Variants in POLE observed in about 807,000 individuals in gnomAD.
POLE encodes the protein DNA polymerase epsilon catalytic subunit A.
POLE carries 188 observed loss-of-function variants against 279.2 expected under a neutral mutation model. That is an observed-to-expected ratio of 0.67 (90% CI 0.60 to 0.76). The LOEUF (loss-of-function observed/expected upper bound fraction) is 0.76, where lower values mean the gene tolerates loss of function less well. Ranked by LOEUF, POLE falls within the 30% of genes least tolerant of loss-of-function variation. The pLI is 0.00. For missense variants in POLE, 2,703 were observed against 3,016.7 expected (o/e 0.90, Z 2.44); for synonymous variants, 1,214 against 1,172.5 (o/e 1.04, Z -0.72).
intron 25 of POLE, 160 bp from the exon 26 acceptor site, chr12:132,659,669 A>T (rs1315858087): frequency 1.6e-6 from 1 of 607,730 alleles, no homozygotes; most frequent in Admixed American, 2.9e-5. Flanking sequence ...ATACTTTAAA[A>T]CATACACACA....
chr12:132,681,140 G>C lies in POLE; in HGVS notation c.202C>G (p.Pro68Ala), dbSNP rs1408600144. Residue 68 changes from proline (P) to alanine (A), a missense_variant and splice_region_variant, in exon 2 of 49, where the codon CCT becomes GCT. Coordinates refer to ENST00000320574, the MANE Select transcript of POLE (RefSeq NM_006231.4). ...TGGGAGAAGGACCTAGTGCTTACAG[G>C]ATGCATGTTAATGAGCCAGCCTGTC... ...EKTGWLINMH[P>A]TEILDEDKRL... The C allele has an allele frequency of 1.5e-5, 24 of 1,613,858 alleles. No individual in the cohort carries two copies. Among genetic ancestry groups the C allele is most frequent in the Non-Finnish European group, 1.9e-5 (23 of 1,179,988 alleles).
In POLE at chr12:132,679,010, T is replaced by A. The variant is rs369941894; in HGVS notation, c.578+487A>T. On this transcript the variant is annotated intron_variant, in intron 6 of 48. Transcript: ENST00000320574. ...GGTAAGGTAGGTTCTTCCGAAGTCA[T>A]CTAAACTTCATTACTCAAGATTTTC... 1.8e-4 allele frequency among the ~76,000 whole-genome samples: 28 copies of A among 152,368 alleles called. No homozygotes were observed. The East Asian group carries it at 2.1e-3, about 12-fold the overall frequency.
At chr12:132,647,280 TG>T (rs1278522211) in intron 32 of POLE, among the ~76,000 whole-genome samples, 1 of 151,946 alleles carries the variant, frequency 6.6e-6, no homozygotes, top group Non-Finnish European at 1.5e-5. Context: ...GCCTGGGTGA[TG>T]GAGTGAGAGA....
In POLE at chr12:132,624,426, A is replaced by C; in HGVS notation, c.*271T>G. 1.9e-6 allele frequency: 1 copy of C among 539,566 alleles called. No individual in the cohort carries two copies. The highest frequency in any genetic ancestry group is 3.3e-6 in the Non-Finnish European group (1 of 299,410). The allele number at this position is 539,566 out of a possible 1,614,324, so 33.4% of individuals were successfully genotyped here. ...CCTGGAAAAGCATTCACTGCGTGAG[A>C]AACGGCGCCCAGGGCACTCGCAGCC... On this transcript the variant is annotated 3_prime_UTR_variant, in exon 49 of 49. Coordinates refer to ENST00000320574, the MANE Select transcript of POLE (RefSeq NM_006231.4).
intron 13 of POLE, 51 bp from the exon 14 acceptor site, chr12:132,673,328 G>A (rs771970198): frequency 7.5e-7 from 1 of 1,339,442 alleles, no homozygotes. Context: ...AGAGCCCAGG[G>A]TCAAGTGTGA....
At chr12:132,640,868 C>T (rs907849994) in intron 39 of POLE, 11 of 409,246 alleles carry the variant, frequency 2.7e-5, no homozygotes, top group Non-Finnish European at 5.4e-5. Flanking sequence ...GCTCCCGGCT[C>T]CCAACTGCCT....
intron 13 of POLE, 113 bp downstream of exon 13, chr12:132,673,462 G>C: frequency 1.4e-6 from 2 of 1,481,274 alleles, no homozygotes; most frequent in Non-Finnish European, 1.8e-6. Flanking sequence ...GCATACATGC[G>C]TGCACACGGC....
At chr12:132,667,441 C>T (rs1346555346) in intron 20 of POLE, 62 bp downstream of exon 20, 7 of 1,578,810 alleles carry the variant, frequency 4.4e-6, no homozygotes, top group African/African-American at 1.3e-5. Context: ...AGAGTGCCCA[C>T]TTCATGAGCC....
Position 132,634,267 on chromosome 12 carries a change from A to C in POLE, c.5923T>G (p.Leu1975Val), listed in dbSNP as rs1428750896. 1 of 1,614,008 alleles carries C rather than the reference A, an allele frequency of 6.2e-7. No homozygotes were observed. Residue 1975 changes from leucine (L) to valine (V), a missense_variant, in exon 43 of 49, where the codon TTA becomes GTA. Coordinates refer to ENST00000320574, the MANE Select transcript of POLE (RefSeq NM_006231.4). The surrounding 1 kb of genome is among the most constrained non-coding windows in gnomAD (Gnocchi z 4.0). ...EEAEESNVED[L>V]LENNWNILQF... ...AAAATGTTCCAGTTGTTTTCCAGTAAATCCTCCACGTTGGATTCCTCCGCC... is the reference window on the plus strand; with the variant it reads ...AAAATGTTCCAGTTGTTTTCCAGTACATCCTCCACGTTGGATTCCTCCGCC...
In POLE at chr12:132,632,408, G is replaced by A. The variant is rs1349472933; in HGVS notation, c.6237C>T (p.Asn2079=). The change falls in exon 45 of 49, where the codon AAC becomes AAT. Residue 2079 remains asparagine (N), a synonymous_variant. Transcript: ENST00000320574. The stretch of plus-strand genomic sequence containing the variant: ...GAAACATCTCTGAGAGCTCAGTGGA[G>A]TTCCGAGAGCCTGTGACTTTCTTCT... The part of the protein sequence containing the change: ...KIQKKVTGSR[N]STELSEMFPV... The A allele has an allele frequency of 1.9e-6, 3 of 1,613,874 alleles. No individual in the cohort carries two copies. Among genetic ancestry groups the A allele is most frequent in the Non-Finnish European group, 2.5e-6 (3 of 1,179,726 alleles).
intron 1 of POLE, among the ~76,000 whole-genome samples, chr12:132,685,908 C>A (rs1209657296): frequency 6.6e-6 from 1 of 150,974 alleles, no homozygotes; most frequent in Non-Finnish European, 1.5e-5. Flanking sequence ...GAGTTTCATT[C>A]TTTGTTGCCC....
In POLE at chr12:132,642,793, A is replaced by C. The variant is rs767231683; in HGVS notation, c.4728+27T>G. 2 of 1,613,452 alleles carry C rather than the reference A, an allele frequency of 1.2e-6. 1 individual carries two copies. Among genetic ancestry groups the C allele is most frequent in the South Asian group, 2.2e-5 (2 of 91,046 alleles). ...CCCAGCCTCAAAGAAGATGGGGCTC[A>C]CACAGCAAGACCCCAACCACTCTCA... is the stretch of plus-strand genomic sequence containing the variant. On this transcript the variant is annotated intron_variant, in intron 36 of 48. Coordinates refer to ENST00000320574, the MANE Select transcript of POLE (RefSeq NM_006231.4).
chr12:132,663,307 C>G (rs938933498), intron 23 of POLE, among the ~76,000 whole-genome samples: 1 of 152,248 alleles, frequency 6.6e-6, no homozygotes, highest in Non-Finnish European at 1.5e-5. Flanking sequence ...GCCCCTCAGG[C>G]AGGAGACTAA....
intron 30 of POLE, 41 bp from the exon 31 acceptor site, chr12:132,649,556 G>A (rs2138611097): frequency 6.2e-7 from 1 of 1,602,168 alleles, no homozygotes; most frequent in Non-Finnish European, 8.5e-7. Context: ...CAAGTGGTGA[G>A]ATGGGAATGC....
At chr12:132,643,044 G>T (rs764541221) in intron 35 of POLE, 48 bp from the exon 36 acceptor site, 1 of 1,541,394 alleles carries the variant, frequency 6.5e-7, no homozygotes, top group Non-Finnish European at 8.7e-7. Flanking sequence ...AGGAGGAAGT[G>T]GGGGCAGCCC....
Position 132,632,296 on chromosome 12 carries a change from C to G in POLE, c.6330+19G>C, listed in dbSNP as rs5745025. The stretch of plus-strand genomic sequence containing the variant: ...TGTACGTTAGTGTCCTCTCCTCACA[C>G]GCACGCTGGCACTCTCACCTTGCAC... On this transcript the variant is annotated intron_variant, in intron 45 of 48. Transcript: ENST00000320574. 6.2e-7 allele frequency: 1 copy of G among 1,600,698 alleles called. No individual in the cohort carries two copies. Among genetic ancestry groups the G allele is most frequent in the South Asian group, 1.1e-5 (1 of 90,698 alleles).
chr12:132,685,004 C>T (rs2043229699), intron 1 of POLE, among the ~76,000 whole-genome samples: 1 of 78,600 alleles, frequency 1.3e-5, no homozygotes, highest in Non-Finnish European at 3.1e-5. Context: ...GGCTCTCATT[C>T]ACAGAGAGCT....
At chr12:132,666,645 C>G (rs2042802749) in intron 20 of POLE, among the ~76,000 whole-genome samples, 1 of 152,164 alleles carries the variant, frequency 6.6e-6, no homozygotes, top group African/African-American at 2.4e-5. Context: ...CTGCACGGTT[C>G]ACTTACATGA....
rs1167117347 is a variant in POLE, at chr12:132,658,881, C to CAAAAAAAAAAAAAAAAAAAA, written c.3275+394_3275+413dup. 1.7e-3 allele frequency among the ~76,000 whole-genome samples: 59 copies of CAAAAAAAAAAAAAAAAAAAA among 33,836 alleles called. 10 individuals are homozygous for CAAAAAAAAAAAAAAAAAAAA. Among genetic ancestry groups the CAAAAAAAAAAAAAAAAAAAA allele is most frequent in the South Asian group, 3.0e-3 (2 of 656 alleles). The allele number at this position is 33,836 out of a possible 152,430, so 22.2% of individuals were successfully genotyped here. On this transcript the variant is annotated intron_variant, in intron 26 of 48. Transcript: ENST00000320574. The stretch of plus-strand genomic sequence containing the variant: ...ACTGGTCCTATTTGTATATAACCAC[C>CAAAAAAAAAAAAAAAAAAAA]AAAAAAAAAAAAAAAAAAAAAAAAA...
Sources: gnomAD v4.1 joint callset for allele counts (sites outside exome capture counted in the v4.1 genomes callset) on GRCh38, gnomAD v4.1.1 for gene constraint, Gnocchi (gnomAD v3.1) non-coding constraint, MANE v1.5 for transcripts, NCBI Gene and HGNC (gene_info 2026-07-23, HGNC 2026-07-21) for gene names.